CTNNA3: variants seen among roughly 807,000 people sequenced by gnomAD.
CTNNA3 encodes the protein catenin alpha-3.
Under a neutral mutation model 95.7 loss-of-function variants are expected in CTNNA3, and 76 were observed. The observed-to-expected ratio is 0.79, with a 90% CI of 0.66 to 0.96. The LOEUF (loss-of-function observed/expected upper bound fraction) is 0.96. Among genes scored for constraint, CTNNA3 ranks in the 40% least tolerant of loss-of-function variants. The probability of loss-of-function intolerance (pLI) is 0.00; values close to 1 mark genes in which losing one functional copy is unlikely to be tolerated. For synonymous variants in CTNNA3, 431 were observed against 374.4 expected, an observed-to-expected ratio of 1.15 and a Z score of -1.74; for missense variants, 1,191 against 1,089.8, an observed-to-expected ratio of 1.09 and a Z score of -1.31.
chr10:67,662,046 A>C (rs569785836), intron 1 of CTNNA3, among the ~76,000 whole-genome samples: 2 of 152,288 alleles, frequency 1.3e-5, no homozygotes, highest in South Asian at 4.1e-4. Context: ...TTTAGCCAAG[A>C]GAAATAAACA....
At chr10:65,935,354 TA>T (rs1331445387) in intron 17 of CTNNA3, among the ~76,000 whole-genome samples, 3 of 152,174 alleles carry the variant, frequency 2.0e-5, no homozygotes, top group Non-Finnish European at 2.9e-5. Context: ...TGGTTTTTTT[TA>T]ATCTTATCGT....
chr10:66,040,811 C>A (rs1347710490), intron 15 of CTNNA3, among the ~76,000 whole-genome samples: 1 of 152,028 alleles, frequency 6.6e-6, no homozygotes, highest in Non-Finnish European at 1.5e-5. Context: ...GGAATCTGTA[C>A]AACAAATCTC....
intron 7 of CTNNA3, among the ~76,000 whole-genome samples, chr10:67,038,705 A>G (rs1854214504): frequency 6.6e-6 from 1 of 152,108 alleles, no homozygotes; most frequent in South Asian, 2.1e-4. Flanking sequence ...GAAACAATTA[A>G]CAGGGTTAAC....
At chr10:66,592,481 A>G (rs1197406168) in intron 10 of CTNNA3, among the ~76,000 whole-genome samples, 1 of 152,116 alleles carries the variant, frequency 6.6e-6, no homozygotes, top group Non-Finnish European at 1.5e-5. Context: ...CATCCTGGTC[A>G]CAAATATATA....
intron 11 of CTNNA3, among the ~76,000 whole-genome samples, chr10:66,519,623 T>C (rs1840986939): frequency 6.6e-6 from 1 of 152,194 alleles, no homozygotes; most frequent in Admixed American, 6.6e-5. Flanking sequence ...TTGTCTCTTA[T>C]CTACCTATGA....
chr10:66,493,599 A>ATT lies in CTNNA3; in HGVS notation c.1531+27016_1531+27017dup, dbSNP rs528761424. Among the ~76,000 whole-genome samples, 365 of 111,998 alleles carry ATT rather than the reference A, an allele frequency of 3.3e-3. 11 individuals are homozygous for ATT. The highest frequency in any genetic ancestry group is 9.8e-3 in the South Asian group (30 of 3,064). 73.5% of individuals were successfully genotyped at this position (111,998 alleles called of 152,430 possible). Reference sequence around the variant, plus strand: ...GGGTTGGCTAACATTTAACTACAGTATTTTTTTTTTTTTTTTTTTTGAGAC... The same window carrying ATT: ...GGGTTGGCTAACATTTAACTACAGTATTTTTTTTTTTTTTTTTTTTTTGAGAC... On this transcript the variant is annotated intron_variant, in intron 11 of 17. Transcript: ENST00000433211.
intron 7 of CTNNA3, among the ~76,000 whole-genome samples, chr10:66,950,360 C>T (rs983157529): frequency 6.6e-6 from 1 of 150,952 alleles, no homozygotes; most frequent in African/African-American, 2.5e-5. Flanking sequence ...AAAAATCTTA[C>T]ATTTTTTTTG....
intron 4 of CTNNA3, among the ~76,000 whole-genome samples, chr10:67,522,458 C>A (rs1387302592): frequency 6.6e-6 from 1 of 151,898 alleles, no homozygotes; most frequent in Non-Finnish European, 1.5e-5. Context: ...AATAGGTCAC[C>A]CAACAAACTT....
chr10:67,381,518 C>T (rs899111902), intron 5 of CTNNA3, among the ~76,000 whole-genome samples: 2 of 152,116 alleles, frequency 1.3e-5, no homozygotes, highest in African/African-American at 2.4e-5. Flanking sequence ...GTAATTATTT[C>T]CAATAAAAAT....
intron 1 of CTNNA3, among the ~76,000 whole-genome samples, chr10:67,732,886 G>GCA (rs35778813): frequency 0.066 from 6,851 of 103,480 alleles, 224 homozygotes; most frequent in Non-Finnish European, 0.079. Flanking sequence ...TCTCACTCAC[G>GCA]CACACACACA....
chr10:65,973,010 T>C (rs1204340660), intron 16 of CTNNA3, among the ~76,000 whole-genome samples: 3 of 150,140 alleles, frequency 2.0e-5, no homozygotes, highest in East Asian at 3.9e-4. Context: ...CAAAAACAGA[T>C]ACACAGGCTG....
chr10:67,228,646 CA>C (rs1274533289), intron 5 of CTNNA3, among the ~76,000 whole-genome samples: 2 of 152,024 alleles, frequency 1.3e-5, no homozygotes, highest in Non-Finnish European at 2.9e-5. Flanking sequence ...GGAGATATTA[CA>C]ACTGATACCA....
At chr10:66,551,244 C>T (rs886842522) in intron 10 of CTNNA3, among the ~76,000 whole-genome samples, 8 of 152,042 alleles carry the variant, frequency 5.3e-5, no homozygotes, top group African/African-American at 9.7e-5. Flanking sequence ...TATAAAATTA[C>T]GGCTTGACAG....
chr10:67,744,584 T>C (rs1383682998), intron 1 of CTNNA3, among the ~76,000 whole-genome samples: 3 of 151,180 alleles, frequency 2.0e-5, no homozygotes, highest in Admixed American at 2.0e-4. Flanking sequence ...ATTCAGGACA[T>C]AGGCATGGGC....
At chr10:67,617,045 G>A (rs1011364190) in intron 2 of CTNNA3, among the ~76,000 whole-genome samples, 2 of 152,134 alleles carry the variant, frequency 1.3e-5, no homozygotes, top group Admixed American at 1.3e-4. Context: ...TGTAGATTTT[G>A]TCATTTCGAA....
intron 7 of CTNNA3, among the ~76,000 whole-genome samples, chr10:67,092,273 T>C (rs1377118935): frequency 6.6e-6 from 1 of 151,832 alleles, no homozygotes; most frequent in African/African-American, 2.4e-5. Flanking sequence ...CTGTGATATA[T>C]GAGGAGAGCA....
intron 9 of CTNNA3, among the ~76,000 whole-genome samples, chr10:66,753,570 GA>G (rs1839246019): frequency 4.0e-5 from 6 of 151,786 alleles, no homozygotes; most frequent in Admixed American, 3.9e-4. Context: ...GCTGAGGCAG[GA>G]GAATCGCTTG....
At chr10:66,415,303 G>T (rs2093137857) in intron 11 of CTNNA3, among the ~76,000 whole-genome samples, 1 of 149,278 alleles carries the variant, frequency 6.7e-6, no homozygotes, top group African/African-American at 2.5e-5. Flanking sequence ...CTCCTCTCGG[G>T]GACCTGAGGT....
In CTNNA3 at chr10:66,621,765, G is replaced by A. The variant is rs747068282; in HGVS notation, c.1301C>T (p.Ser434Phe). The change falls in exon 10 of 18, where the codon TCC becomes TTC. Residue 434 changes from serine (S) to phenylalanine (F), a missense_variant. By Grantham distance (155) the Ser-to-Phe change is radical (BLOSUM62 -2). Coordinates refer to ENST00000433211, the MANE Select transcript of CTNNA3 (RefSeq NM_013266.4). ...RLVEVANLAC[S>F]MSTNEDGIKI... ...AATTCCATCTTCATTTGTTGACATG[G>A]AACAAGCAAGATTTGCCACCTTAAA... The A allele has an allele frequency of 6.2e-7, 1 of 1,606,444 alleles. No individual in the cohort carries two copies. The highest frequency in any genetic ancestry group is 1.3e-5 in the African/African-American group (1 of 74,414).
Sources: gnomAD v4.1 joint callset for allele counts (sites outside exome capture counted in the v4.1 genomes callset) on GRCh38, gnomAD v4.1.1 for gene constraint, MANE v1.5 for transcripts, NCBI Gene and HGNC (gene_info 2026-07-23, HGNC 2026-07-21) for gene names.